DYNC1H1: variants seen among roughly 807,000 people sequenced by gnomAD.
The protein encoded by DYNC1H1 is cytoplasmic dynein 1 heavy chain 1.
DYNC1H1 carries 51 observed loss-of-function variants against 527.1 expected under a neutral mutation model. The observed-to-expected ratio is 0.10, with a 90% confidence interval of 0.08 to 0.12. DYNC1H1 has a LOEUF of 0.12. Ranked by LOEUF, DYNC1H1 falls within the 10% of genes least tolerant of loss-of-function variation. The pLI, the probability that DYNC1H1 is intolerant of heterozygous loss-of-function variation, is 1.00. For missense variants in DYNC1H1, 2,771 were observed against 5,971.8 expected (o/e 0.46, Z 17.66); for synonymous variants, 2,189 against 2,278.8 (o/e 0.96, Z 1.12).
chr14:102,036,371 T>G lies in DYNC1H1; in HGVS notation c.10755-118T>G. 7.3e-7 allele frequency: 1 copy of G among 1,373,124 alleles called. No individual in the cohort carries two copies. The allele number at this position is 1,373,124 out of a possible 1,614,324, so 85.1% of individuals were successfully genotyped here. ...ACCTGAAAACGTCTCCGGAAACCAC[T>G]CTCGGGTGGTGGTAACAGCCTATCA... On this transcript the variant is annotated intron_variant, in intron 56 of 77. Transcript: ENST00000360184. The surrounding 1 kb of genome is among the most constrained non-coding windows in gnomAD (Gnocchi z 5.6).
chr14:102,048,388 C>T, intron 73 of DYNC1H1, 128 bp from the exon 74 acceptor site: 3 of 1,300,530 alleles, frequency 2.3e-6, no homozygotes, highest in South Asian at 1.3e-5. Context: ...TCTGCCAAAG[C>T]TGTCCGTGAC....
intron 41 of DYNC1H1, 125 bp from the exon 42 acceptor site, chr14:102,019,768 T>C: frequency 8.0e-7 from 1 of 1,255,076 alleles, no homozygotes; most frequent in Non-Finnish European, 1.1e-6. Context: ...TGTCCAGCTA[T>C]CTTCTTAAAT....
Position 101,986,830 on chromosome 14 carries a change from A to G in DYNC1H1, c.2538+67A>G. On this transcript the variant is annotated intron_variant, in intron 8 of 77. Coordinates refer to ENST00000360184, the MANE Select transcript of DYNC1H1 (RefSeq NM_001376.5). This position sits in a 1 kb window ranked among gnomAD's most constrained non-coding sequence, Gnocchi z 8.7. ...AAGCACAGTAATAGCGAGCTCAGTT[A>G]AAACACTAGTTCTCCCGAAGAAGGC... The G allele has an allele frequency of 1.3e-6, 2 of 1,568,066 alleles. No homozygotes were observed. The highest frequency in any genetic ancestry group is 2.2e-5 in the East Asian group (1 of 44,652).
rs887730047 is a variant in DYNC1H1, at chr14:102,018,205, A to C, written c.8178-246A>C. ...ATCTGTAGAGCCAAGATGAGCCTGAAATAAGCCTTGGTTATTTTTTCATCT... is the reference window on the plus strand; with the variant it reads ...ATCTGTAGAGCCAAGATGAGCCTGACATAAGCCTTGGTTATTTTTTCATCT... On this transcript the variant is annotated intron_variant, in intron 40 of 77. Coordinates refer to ENST00000360184, the MANE Select transcript of DYNC1H1 (RefSeq NM_001376.5). The surrounding 1 kb of genome is among the most constrained non-coding windows in gnomAD (Gnocchi z 5.2). 1.3e-5 allele frequency among the ~76,000 whole-genome samples: 2 copies of C among 152,244 alleles called. No individual in the cohort carries two copies. The highest frequency in any genetic ancestry group is 2.9e-5 in the Non-Finnish European group (2 of 68,034).
rs1476932809 is a variant in DYNC1H1 at position 102,029,365 on chromosome 14, AG to A, written c.9469-170del. ...GGGCTTAGAGAGGTTTGGAAGTGTA[AG>A]GGGTATCTCGAAAGCTCTAAGTGGC... is the stretch of plus-strand genomic sequence containing the variant. On this transcript the variant is annotated intron_variant, in intron 48 of 77. Coordinates refer to ENST00000360184, the MANE Select transcript of DYNC1H1 (RefSeq NM_001376.5). This position sits in a 1 kb window ranked among gnomAD's most constrained non-coding sequence, Gnocchi z 5.3. The A allele has an allele frequency of 1.4e-6, 1 of 727,058 alleles. No homozygotes were observed. The highest frequency in any genetic ancestry group is 2.3e-6 in the Non-Finnish European group (1 of 436,290). 45.0% of individuals were successfully genotyped at this position (727,058 alleles called of 1,614,324 possible).
chr14:102,012,084 A>G lies in DYNC1H1; in HGVS notation c.6828A>G (p.Thr2276=). ...GTLDPNTREW[T]DGLFTHVLRK... ...TGGACCCCAACACCAGGGAATGGAC[A>G]GATGGGCTCTTCACACACGTGCTGA... Residue 2276 remains threonine, a synonymous_variant, in exon 33 of 78, where the codon ACA becomes ACG. Transcript: ENST00000360184. The surrounding 1 kb of genome is among the most constrained non-coding windows in gnomAD (Gnocchi z 4.9). 1 of 1,614,256 alleles carries G rather than the reference A, an allele frequency of 6.2e-7. No homozygotes were observed. The highest frequency in any genetic ancestry group is 8.5e-7 in the Non-Finnish European group (1 of 1,180,040).
chr14:102,034,605 T>C, intron 56 of DYNC1H1, 153 bp downstream of exon 56: 1 of 1,220,438 alleles, frequency 8.2e-7, no homozygotes, highest in Non-Finnish European at 1.2e-6. Context: ...TGGTGGGGCG[T>C]GTGCTGTTCT....
In DYNC1H1 at chr14:102,001,409, A is replaced by T. The variant is rs1420909686; in HGVS notation, c.4395+55A>T. 1.2e-6 allele frequency: 2 copies of T among 1,611,132 alleles called. No individual in the cohort carries two copies. Among genetic ancestry groups the T allele is most frequent in the Admixed American group, 1.7e-5 (1 of 60,008 alleles). On this transcript the variant is annotated intron_variant, in intron 20 of 77. Transcript: ENST00000360184. This position sits in a 1 kb window ranked among gnomAD's most constrained non-coding sequence, Gnocchi z 5.0. ...CGTTGTGTTTCGGGCTGTTACATAG[A>T]TCTGAGCTATGTAAAAATGGAGCCT... is the stretch of plus-strand genomic sequence containing the variant.
At chr14:102,000,526 G>T in intron 18 of DYNC1H1, 127 bp downstream of exon 18, 2 of 779,882 alleles carry the variant, frequency 2.6e-6, no homozygotes, top group Non-Finnish European at 4.3e-6. Flanking sequence ...TGTCCTGCAT[G>T]TCATTTACAT....
chr14:102,026,563 T>C lies in DYNC1H1; in HGVS notation c.8638-11T>C. 1 of 1,614,096 alleles carries C rather than the reference T, an allele frequency of 6.2e-7. No homozygotes were observed. The highest frequency in any genetic ancestry group is 1.3e-5 in the African/African-American group (1 of 75,056). ...TTCTAAGTAATTTGGGTATTACCTT[T>C]TTTTCTATAGGATTACATCCCAGTA... On this transcript the variant is annotated splice_polypyrimidine_tract_variant and intron_variant, in intron 43 of 77. Coordinates refer to ENST00000360184, the MANE Select transcript of DYNC1H1 (RefSeq NM_001376.5).
chr14:101,981,830 C>T (rs913436363), intron 5 of DYNC1H1, among the ~76,000 whole-genome samples: 5 of 152,096 alleles, frequency 3.3e-5, no homozygotes, highest in South Asian at 4.1e-4. Context: ...CAAGCACTTT[C>T]GTGATTCCAT....
chr14:101,975,570 G>A (rs371761459), intron 1 of DYNC1H1, 142 bp from the exon 2 acceptor site: 12 of 760,246 alleles, frequency 1.6e-5, no homozygotes, highest in East Asian at 2.8e-5. Context: ...AAAACGGATA[G>A]GAAGGGAAAA....
intron 8 of DYNC1H1, 87 bp from the exon 9 acceptor site, chr14:101,987,366 T>C (rs941826636): frequency 4.3e-6 from 6 of 1,387,810 alleles, no homozygotes; most frequent in African/African-American, 2.9e-5. Flanking sequence ...CATTTGTCAA[T>C]GTATAATATT....
intron 48 of DYNC1H1, 185 bp downstream of exon 48, chr14:102,028,326 A>T: frequency 1.6e-6 from 1 of 630,400 alleles, no homozygotes; most frequent in Non-Finnish European, 2.8e-6. Flanking sequence ...AGCCTGGGCA[A>T]CATGGCGAGA....
chr14:101,984,450 A>ATTTTTTTT (rs34383305), intron 7 of DYNC1H1, among the ~76,000 whole-genome samples: 1 of 69,968 alleles, frequency 1.4e-5, no homozygotes, highest in Non-Finnish European at 2.6e-5. Flanking sequence ...TATATATTAT[A>ATTTTTTTT]TTTTTTTTTT....
chr14:101,977,000 C>G (rs911775793), intron 2 of DYNC1H1, among the ~76,000 whole-genome samples: 6 of 152,100 alleles, frequency 3.9e-5, no homozygotes, highest in Non-Finnish European at 8.8e-5. Context: ...TTTATATAAG[C>G]AAGTTAACGT....
Position 102,042,560 on chromosome 14 carries a change from C to T in DYNC1H1, c.12399+53C>T, listed in dbSNP as rs539461578. The T allele has an allele frequency of 5.3e-5, 86 of 1,613,666 alleles. No homozygotes were observed. In the African/African-American group the frequency reaches 9.7e-4, roughly 18 times the overall value. ...GCAGGCTGGCCTGGCACTGTGCTGT[C>T]GGCACGTGTGTGGTGGAATTGAACA... is the stretch of plus-strand genomic sequence containing the variant. On this transcript the variant is annotated intron_variant, in intron 68 of 77. Transcript: ENST00000360184. The surrounding 1 kb of genome is among the most constrained non-coding windows in gnomAD (Gnocchi z 5.7).
intron 15 of DYNC1H1, among the ~76,000 whole-genome samples, chr14:101,995,867 C>G (rs2048055041): frequency 6.6e-6 from 1 of 151,934 alleles, no homozygotes; most frequent in South Asian, 2.1e-4. Flanking sequence ...TTGAGACCAG[C>G]CTGGCCAACA....
intron 42 of DYNC1H1, 45 bp from the exon 43 acceptor site, chr14:102,022,706 C>T (rs770259570): frequency 1.2e-6 from 2 of 1,613,506 alleles, no homozygotes; most frequent in Non-Finnish European, 1.7e-6. Flanking sequence ...TGCTTCTTCA[C>T]CGTGCCCTCT....
Sources: allele counts gnomAD v4.1 joint callset (sites outside exome capture counted in the v4.1 genomes callset), GRCh38; gene constraint gnomAD v4.1.1; non-coding constraint Gnocchi (gnomAD v3.1); transcripts MANE v1.5; gene names NCBI Gene and HGNC (gene_info 2026-07-23, HGNC 2026-07-21).